ADAM15: variants seen among roughly 807,000 people sequenced by gnomAD.
The protein encoded by ADAM15 is disintegrin and metalloproteinase domain-containing protein 15.
Under a neutral mutation model 113.8 loss-of-function variants are expected in ADAM15, and 77 were observed. The observed-to-expected ratio is 0.68, with a 90% CI of 0.56 to 0.82. The LOEUF (loss-of-function observed/expected upper bound fraction) is 0.82, where lower values mean the gene tolerates loss of function less well. Among genes scored for constraint, ADAM15 ranks in the 40% least tolerant of loss-of-function variants. The pLI is 0.00. For missense variants in ADAM15, 963 were observed against 1,120.1 expected (o/e 0.86, Z 2.00); for synonymous variants, 388 against 454.1 (o/e 0.85, Z 1.85).
At position 155,056,640 on chromosome 1, in the gene ADAM15, A is replaced by G. The variant is rs1246702502; in HGVS notation, c.999+170A>G. ...TATCAGGGAGCCCTCGCTTATGGCC[A>G]GCTAGTCACAGTGTACACAGTCATC... On this transcript the variant is annotated intron_variant, in intron 10 of 22. Transcript: ENST00000356955. The surrounding 1 kb of genome is among the most constrained non-coding windows in gnomAD (Gnocchi z 4.0). 2.0e-5 allele frequency among the ~76,000 whole-genome samples: 3 copies of G among 152,154 alleles called. No individual in the cohort carries two copies. The highest frequency in any genetic ancestry group is 7.2e-5 in the African/African-American group (3 of 41,418).
Position 155,062,005 on chromosome 1 carries a change from C to G in ADAM15, c.2424+30C>G. On this transcript the variant is annotated intron_variant, in intron 21 of 22. Coordinates refer to ENST00000356955, the MANE Select transcript of ADAM15 (RefSeq NM_207197.3). This position sits in a 1 kb window ranked among gnomAD's most constrained non-coding sequence, Gnocchi z 7.0. ...CGGTGGGGGGAGAGAAGGGCACGGC[C>G]TCTCCCCCCACCTAGGGCTGTGGTG... The G allele has an allele frequency of 6.6e-7, 1 of 1,526,576 alleles. No individual in the cohort carries two copies. The highest frequency in any genetic ancestry group is 8.8e-7 in the Non-Finnish European group (1 of 1,136,926). The allele number at this position is 1,526,576 out of a possible 1,614,324, so 94.6% of individuals were successfully genotyped here. A position where few individuals can be genotyped will look rare whatever the true frequency, so the allele number is the denominator to read the frequency against.
Position 155,058,453 on chromosome 1 carries a change from G to A in ADAM15, c.1917+12G>A, listed in dbSNP as rs1239891556. Reference sequence around the variant, plus strand: ...GTGGCCCTGGCCTGGTGAGCAGCCTGGGTGGGCAAGACCAGGTGTGAGAAG... The same window carrying A: ...GTGGCCCTGGCCTGGTGAGCAGCCTAGGTGGGCAAGACCAGGTGTGAGAAG... On this transcript the variant is annotated intron_variant, in intron 15 of 22. Transcript: ENST00000356955. This position sits in a 1 kb window ranked among gnomAD's most constrained non-coding sequence, Gnocchi z 4.3. 3.1e-6 allele frequency: 5 copies of A among 1,608,976 alleles called. No homozygotes were observed. Among genetic ancestry groups the A allele is most frequent in the Non-Finnish European group, 4.2e-6 (5 of 1,179,908 alleles).
intron 20 of ADAM15, 137 bp downstream of exon 20, chr1:155,061,626 G>A: frequency 1.0e-6 from 1 of 1,000,306 alleles, no homozygotes; most frequent in Non-Finnish European, 1.5e-6. Context: ...CAGACACTCT[G>A]AGCCCCAGAA....
chr1:155,058,575 A>G lies in ADAM15; in HGVS notation c.1917+134A>G. ...GAAGTCAGTTTCTTACTTCAGATGG[A>G]GCAAAGTCCTATCAACTCACTATGC... On this transcript the variant is annotated intron_variant, in intron 15 of 22. Transcript: ENST00000356955. This position sits in a 1 kb window ranked among gnomAD's most constrained non-coding sequence, Gnocchi z 4.3. 1 of 1,550,652 alleles carries G rather than the reference A, an allele frequency of 6.4e-7. No homozygotes were observed. Among genetic ancestry groups the G allele is most frequent in the Non-Finnish European group, 8.7e-7 (1 of 1,148,530 alleles).
At chr1:155,051,692 C>T (rs1343346013) in intron 1 of ADAM15, 3 of 437,128 alleles carry the variant, frequency 6.9e-6, no homozygotes. Flanking sequence ...TGGTCATCCT[C>T]TGCGCGGTCC....
In ADAM15 at chr1:155,058,741, A is replaced by G; in HGVS notation, c.1949A>G (p.Asp650Gly). 2 of 1,613,854 alleles carry G rather than the reference A, an allele frequency of 1.2e-6. No individual in the cohort carries two copies. Among genetic ancestry groups the G allele is most frequent in the South Asian group, 1.1e-5 (1 of 91,048 alleles). ...VCIDHRCQRV[D>G]LLGAQECRSK... ...ATAGACCATCGATGCCAGCGTGTGG[A>G]TCTCCTGGGGGCACAGGAATGTCGA... Residue 650 changes from aspartate to glycine, a missense_variant, in exon 16 of 23, where the codon GAT becomes GGT. By Grantham distance (94) the Asp-to-Gly change is moderately conservative (BLOSUM62 -1). Coordinates refer to ENST00000356955, the MANE Select transcript of ADAM15 (RefSeq NM_207197.3). The surrounding 1 kb of genome is among the most constrained non-coding windows in gnomAD (Gnocchi z 4.3).
intron 18 of ADAM15, 152 bp from the exon 19 acceptor site, chr1:155,060,611 A>G: frequency 1.1e-6 from 1 of 937,366 alleles, no homozygotes; most frequent in Non-Finnish European, 1.6e-6. Context: ...CCTCAAGCTA[A>G]TAAATACTGC....
rs758144914 is a variant in ADAM15, at chr1:155,061,439, GC to G, written c.2309del (p.Pro770LeufsTer35). On this transcript the variant is annotated frameshift_variant, in exon 20 of 23. Coordinates refer to ENST00000356955, the MANE Select transcript of ADAM15 (RefSeq NM_207197.3). LOFTEE classifies it high-confidence loss of function. The part of the protein sequence containing the change: ...TKQASALSFP[A>X]PPSRPLPPDP... ...GCAGGCTAGTGCTCTCAGCTTCCCGGCCCCCCCTTCCAGGCCGCTGCCGCCT... is the reference window on the plus strand; with the variant it reads ...GCAGGCTAGTGCTCTCAGCTTCCCGGCCCCCCTTCCAGGCCGCTGCCGCCT... 16 of 1,613,376 alleles carry G rather than the reference GC, an allele frequency of 9.9e-6. No homozygotes were observed. In the South Asian group the frequency reaches 1.2e-4, roughly 12 times the overall value.
Position 155,056,983 on chromosome 1 carries a change from T to C in ADAM15, c.1030T>C (p.Ser344Pro), listed in dbSNP as rs1439875240. The change falls in exon 11 of 23, where the codon TCC becomes CCC. Residue 344 changes from serine (S) to proline (P), a missense_variant. Ser to Pro is a moderately conservative substitution (Grantham distance 74, BLOSUM62 -1). Coordinates refer to ENST00000356955, the MANE Select transcript of ADAM15 (RefSeq NM_207197.3). The surrounding 1 kb of genome is among the most constrained non-coding windows in gnomAD (Gnocchi z 4.0). ...CTCCACCAGCATCCTGGGAGTCGCCTCCTCCATAGCCCATGAGTTGGGCCA... is the reference window on the plus strand; with the variant it reads ...CTCCACCAGCATCCTGGGAGTCGCCCCCTCCATAGCCCATGAGTTGGGCCA... ...DHSTSILGVA[S>P]SIAHELGHSL... The C allele has an allele frequency of 6.3e-7, 1 of 1,587,232 alleles. No individual in the cohort carries two copies. Among genetic ancestry groups the C allele is most frequent in the Non-Finnish European group, 8.6e-7 (1 of 1,167,344 alleles).
chr1:155,056,500 C>T lies in ADAM15; in HGVS notation c.999+30C>T, dbSNP rs1661778451. On this transcript the variant is annotated intron_variant, in intron 10 of 22. Transcript: ENST00000356955. This position sits in a 1 kb window ranked among gnomAD's most constrained non-coding sequence, Gnocchi z 4.0. ...GTTATTTCCAGGTCTCCTCCTCATT[C>T]CCAATTCAGTTCCTCCCAAGTGTGG... The T allele has an allele frequency of 6.2e-7, 1 of 1,600,144 alleles. No individual in the cohort carries two copies. The highest frequency in any genetic ancestry group is 1.3e-5 in the African/African-American group (1 of 74,590).
chr1:155,058,162 G>A lies in ADAM15; in HGVS notation c.1721+7G>A. The A allele has an allele frequency of 1.2e-6, 2 of 1,611,140 alleles. No homozygotes were observed. Among genetic ancestry groups the A allele is most frequent in the South Asian group, 2.2e-5 (2 of 90,980 alleles). ...ATGTGTCCTGCACCCCTAGGTAAGT[G>A]AGGAAACCTGGCTCCTCCTTTGGGT... is the stretch of plus-strand genomic sequence containing the variant. On this transcript the variant is annotated splice_region_variant and intron_variant, in intron 14 of 22. Transcript: ENST00000356955. This position sits in a 1 kb window ranked among gnomAD's most constrained non-coding sequence, Gnocchi z 4.3.
In ADAM15 at chr1:155,061,472, G is replaced by A. The variant is rs530220807; in HGVS notation, c.2335G>A (p.Val779Met). The change falls in exon 20 of 23, where the codon GTG becomes ATG. Residue 779 changes from valine (V) to methionine (M), a missense_variant. Coordinates refer to ENST00000356955, the MANE Select transcript of ADAM15 (RefSeq NM_207197.3). ...TTCCAGGCCGCTGCCGCCTGACCCT[G>A]TGTCCAAGAGACTCCAGGTAAATCT... ...PPSRPLPPDP[V>M]SKRLQAELAD... The A allele has an allele frequency of 7.4e-6, 12 of 1,613,646 alleles. No individual in the cohort carries two copies. In the African/African-American group the frequency reaches 1.6e-4, roughly 22 times the overall value.
At chr1:155,055,466 T>G (rs1258182633) in intron 6 of ADAM15, 5 of 350,892 alleles carry the variant, frequency 1.4e-5, no homozygotes, top group Non-Finnish European at 2.2e-5. Context: ...GACCTCATGA[T>G]CCACCCGCCT....
In ADAM15 at chr1:155,062,057, G is replaced by A. The variant is rs1295412939; in HGVS notation, c.2424+82G>A. ...TGGTAGCCATGACGGTGGTGGCCGT[G>A]GCGAGATGCCCCCTCAGTGCATGAG... On this transcript the variant is annotated intron_variant, in intron 21 of 22. Transcript: ENST00000356955. This position sits in a 1 kb window ranked among gnomAD's most constrained non-coding sequence, Gnocchi z 7.0. 1 of 1,479,258 alleles carries A rather than the reference G, an allele frequency of 6.8e-7. No homozygotes were observed. The highest frequency in any genetic ancestry group is 1.4e-5 in the South Asian group (1 of 69,790). The allele number at this position is 1,479,258 out of a possible 1,614,324, so 91.6% of individuals were successfully genotyped here.
At chr1:155,060,044 G>A in intron 17 of ADAM15, 70 bp downstream of exon 17, 9 of 1,594,276 alleles carry the variant, frequency 5.6e-6, no homozygotes, top group African/African-American at 2.7e-5. Context: ...TGCCCCCTCG[G>A]CCCTCTCTTT....
chr1:155,062,102 C>T lies in ADAM15; in HGVS notation c.2424+127C>T. 2.7e-6 allele frequency: 4 copies of T among 1,476,392 alleles called. No individual in the cohort carries two copies. The highest frequency in any genetic ancestry group is 9.0e-7 in the Non-Finnish European group (1 of 1,115,906). 91.5% of individuals were successfully genotyped at this position (1,476,392 alleles called of 1,614,324 possible). A position where few individuals can be genotyped will look rare whatever the true frequency, so the allele number is the denominator to read the frequency against. On this transcript the variant is annotated intron_variant, in intron 21 of 22. Coordinates refer to ENST00000356955, the MANE Select transcript of ADAM15 (RefSeq NM_207197.3). This position sits in a 1 kb window ranked among gnomAD's most constrained non-coding sequence, Gnocchi z 7.0. ...CATGAGGGCACATATCCCGGTGGTG[C>T]CTTTAATGGTGACAGGTTTGTTTGC...
At chr1:155,055,638 G>A in intron 6 of ADAM15, 152 bp from the exon 7 acceptor site, 1 of 765,346 alleles carries the variant, frequency 1.3e-6, no homozygotes. Flanking sequence ...CAAGTTCCTG[G>A]GCCCTCTGGC....
chr1:155,058,047 G>C lies in ADAM15; in HGVS notation c.1613G>C (p.Gly538Ala). 1 of 1,614,118 alleles carries C rather than the reference G, an allele frequency of 6.2e-7. No homozygotes were observed. The highest frequency in any genetic ancestry group is 1.1e-5 in the South Asian group (1 of 91,090). Reference sequence around the variant, plus strand: ...CAGTGCCAGTCACTTTGGGGACCTGGAGCCCAGCCCGCTGCGCCACTTTGC... The same window carrying C: ...CAGTGCCAGTCACTTTGGGGACCTGCAGCCCAGCCCGCTGCGCCACTTTGC... ...AQQCQSLWGP[G>A]AQPAAPLCLQ... Residue 538 changes from glycine (G) to alanine (A), a missense_variant, in exon 14 of 23, where the codon GGA becomes GCA. Gly to Ala is a moderately conservative substitution (Grantham distance 60, BLOSUM62 0). Coordinates refer to ENST00000356955, the MANE Select transcript of ADAM15 (RefSeq NM_207197.3). This position sits in a 1 kb window ranked among gnomAD's most constrained non-coding sequence, Gnocchi z 4.3.
At position 155,051,324 on chromosome 1, in the gene ADAM15, C is replaced by G. The variant is rs1660972459; in HGVS notation, c.-63C>G. 7.8e-7 allele frequency: 1 copy of G among 1,275,420 alleles called. No individual in the cohort carries two copies. The highest frequency in any genetic ancestry group is 1.0e-6 in the Non-Finnish European group (1 of 992,758). The allele number at this position is 1,275,420 out of a possible 1,614,324, so 79.0% of individuals were successfully genotyped here. A position where few individuals can be genotyped will look rare whatever the true frequency, so the allele number is the denominator to read the frequency against. On this transcript the variant is annotated 5_prime_UTR_variant, in exon 1 of 23. Transcript: ENST00000356955. ...GGGTTCTCCGAGGCGACCTGGCCGC[C>G]GGCCGCTCCTCCGCGCGCTGTTCCG...
Sources: gnomAD v4.1 joint callset for allele counts (sites outside exome capture counted in the v4.1 genomes callset) on GRCh38, gnomAD v4.1.1 for gene constraint, Gnocchi (gnomAD v3.1) non-coding constraint, MANE v1.5 for transcripts, NCBI Gene and HGNC (gene_info 2026-07-23, HGNC 2026-07-21) for gene names.